KIF7: variants seen among roughly 807,000 people sequenced by gnomAD.
KIF7 encodes kinesin family member 7.
A neutral mutation model predicts 135.7 loss-of-function variants in KIF7; 104 were observed. The observed-to-expected ratio is 0.77, with a 90% confidence interval of 0.65 to 0.90. The LOEUF (loss-of-function observed/expected upper bound fraction) is 0.90, where lower values mean the gene tolerates loss of function less well. Ranked by LOEUF, KIF7 falls within the 40% of genes least tolerant of loss-of-function variation. The pLI, the probability that KIF7 is intolerant of heterozygous loss-of-function variation, is 0.00. For missense variants in KIF7, 2,005 were observed against 1,839.1 expected (o/e 1.09, Z -1.65); for synonymous variants, 883 against 809.4 (o/e 1.09, Z -1.54).
chr15:89,633,009 A>AGGGC lies in KIF7; in HGVS notation c.2719-14_2719-13insGCCC. On this transcript the variant is annotated splice_polypyrimidine_tract_variant and intron_variant, in intron 13 of 18. Transcript: ENST00000394412. The stretch of plus-strand genomic sequence containing the variant: ...GCTCCTCAATCTTCTAAGGAAAAGT[A>AGGGC]GGGAGGGAGGGAGGGAACTCAGGGC... 1 of 633,824 alleles carries AGGGC rather than the reference A, an allele frequency of 1.6e-6. No individual in the cohort carries two copies. Among genetic ancestry groups the AGGGC allele is most frequent in the Non-Finnish European group, 2.5e-6 (1 of 397,646 alleles). The allele number at this position is 633,824 out of a possible 1,614,324, so 39.3% of individuals were successfully genotyped here.
At chr15:89,631,248 G>C (rs1289311096) in intron 15 of KIF7, among the ~76,000 whole-genome samples, 1 of 152,232 alleles carries the variant, frequency 6.6e-6, no homozygotes, top group Non-Finnish European at 1.5e-5. Flanking sequence ...CAGGAGTCCA[G>C]GCTCCAGCCA....
Position 89,648,726 on chromosome 15 carries a change from G to T in KIF7, c.972C>A (p.Ala324=), listed in dbSNP as rs1964067047. Residue 324 remains alanine, a synonymous_variant, in exon 5 of 19, where the codon GCC becomes GCA. Transcript: ENST00000394412. The part of the protein sequence containing the change: ...LGGNAKTVMI[A]CVSPSSSDFD... Reference sequence around the variant, plus strand: ...AGTCGGAGGAGGAAGGGCTGACGCAGGCGATCATCACCGTCTTGGCGTTCC... The same window carrying T: ...AGTCGGAGGAGGAAGGGCTGACGCATGCGATCATCACCGTCTTGGCGTTCC... The T allele has an allele frequency of 6.5e-7, 1 of 1,536,308 alleles. No homozygotes were observed. The highest frequency in any genetic ancestry group is 8.7e-7 in the Non-Finnish European group (1 of 1,146,488).
intron 6 of KIF7, among the ~76,000 whole-genome samples, 170 bp downstream of exon 6, chr15:89,647,426 C>A (rs900575550): frequency 6.6e-6 from 1 of 152,156 alleles, no homozygotes; most frequent in Non-Finnish European, 1.5e-5. Flanking sequence ...CACCCACCTG[C>A]GCTGTTGTGA....
upstream of KIF7, among the ~76,000 whole-genome samples, chr15:89,658,314 G>C (rs112983410): frequency 0.014 from 2,073 of 151,886 alleles, 51 homozygotes; most frequent in African/African-American, 0.048. Context: ...GCTGGGCCTG[G>C]TGGTGTGCAC....
intron 14 of KIF7, among the ~76,000 whole-genome samples, chr15:89,632,613 G>C (rs190294448): frequency 2.3e-3 from 357 of 152,312 alleles, no homozygotes; most frequent in African/African-American, 7.9e-3. Flanking sequence ...TTACCTGGCA[G>C]AGATACCACC....
intron 15 of KIF7, 96 bp downstream of exon 15, chr15:89,631,399 C>G (rs371400085): frequency 1.7e-6 from 2 of 1,167,478 alleles, no homozygotes; most frequent in Admixed American, 4.4e-5. Flanking sequence ...GACAGCAAGG[C>G]CCAGCACCCG....
intron 1 of KIF7, among the ~76,000 whole-genome samples, chr15:89,654,189 TTC>T (rs1228879105): frequency 6.6e-6 from 1 of 152,070 alleles, no homozygotes; most frequent in African/African-American, 2.4e-5. Flanking sequence ...TTTTGTATTT[TTC>T]ATAGAGACAG....
chr15:89,649,586 T>G (rs1964090069), intron 3 of KIF7, among the ~76,000 whole-genome samples, 155 bp downstream of exon 3: 1 of 152,206 alleles, frequency 6.6e-6, no homozygotes, highest in Admixed American at 6.5e-5. Context: ...AAGCATGTAC[T>G]GAACTCAGTG....
downstream of KIF7, chr15:89,625,827 T>G: frequency 6.4e-7 from 1 of 1,562,844 alleles, no homozygotes; most frequent in Non-Finnish European, 8.7e-7. Context: ...ATGGTTTCTT[T>G]TGGTCAGAGT....
chr15:89,646,164 T>G lies in KIF7; in HGVS notation c.1789-138A>C. The G allele has an allele frequency of 2.7e-6, 3 of 1,121,416 alleles. No individual in the cohort carries two copies. The South Asian group carries it at 3.9e-5, about 14-fold the overall frequency. The allele number at this position is 1,121,416 out of a possible 1,614,324, so 69.5% of individuals were successfully genotyped here. On this transcript the variant is annotated intron_variant, in intron 7 of 18. Transcript: ENST00000394412. ...AGCTCAAATGACCCCTCTGGCAGCC[T>G]TCTGAATCTCAAGCTGGGGTGAGAG...
chr15:89,625,288 T>C (rs760555089), downstream of KIF7: 20 of 1,614,030 alleles, frequency 1.2e-5, no homozygotes, highest in South Asian at 2.1e-4. Context: ...CCCCTCTCCA[T>C]TTCAAACAGA....
chr15:89,643,562 T>C (rs754439520), intron 10 of KIF7, among the ~76,000 whole-genome samples: 17 of 152,202 alleles, frequency 1.1e-4, no homozygotes, highest in Non-Finnish European at 2.5e-4. Flanking sequence ...ACACTGCTGA[T>C]AATGGAGAGA....
At chr15:89,626,881 C>T, downstream of KIF7, 5 of 1,535,984 alleles carry the variant, frequency 3.3e-6, no homozygotes, top group Non-Finnish European at 4.4e-6. Context: ...GTGTAACCCT[C>T]TGCAATTTAA....
chr15:89,628,625 T>G lies in KIF7; in HGVS notation c.3826A>C (p.Thr1276Pro). ...RDLVHAPLPL[T>P]WKRSSLCGEE... ...CCACACAGGCTCGAGCGTTTCCAGGTCAAGGGTAACGGAGCGTGGACCAAG... is the reference window on the plus strand; with the variant it reads ...CCACACAGGCTCGAGCGTTTCCAGGGCAAGGGTAACGGAGCGTGGACCAAG... Residue 1276 changes from threonine (T) to proline (P), a missense_variant, in exon 19 of 19, where the codon ACC (threonine) becomes CCC (proline). Physicochemically the swap from Thr to Pro is conservative, Grantham distance 38. Coordinates refer to ENST00000394412, the MANE Select transcript of KIF7 (RefSeq NM_198525.3). 2 of 1,613,176 alleles carry G rather than the reference T, an allele frequency of 1.2e-6. No individual in the cohort carries two copies. Among genetic ancestry groups the G allele is most frequent in the Non-Finnish European group, 1.7e-6 (2 of 1,179,952 alleles).
At chr15:89,623,592 C>A, downstream of KIF7, 1 of 1,569,612 alleles carries the variant, frequency 6.4e-7, no homozygotes, top group South Asian at 1.2e-5. Flanking sequence ...TTATAATATT[C>A]AAGGACTGAA....
At chr15:89,654,290 T>G (rs1253750890) in intron 1 of KIF7, among the ~76,000 whole-genome samples, 1 of 129,670 alleles carries the variant, frequency 7.7e-6, no homozygotes, top group Admixed American at 8.0e-5. Context: ...ATTCCAGGCG[T>G]AAGTCACCGT....
rs148311253 is a variant in KIF7 at position 89,632,844 on chromosome 15, C to T, written c.2871G>A (p.Glu957=). 1.1e-4 allele frequency: 170 copies of T among 1,607,962 alleles called. No homozygotes were observed. In the South Asian group the frequency reaches 1.1e-3, roughly 11 times the overall value. Reference sequence around the variant, plus strand: ...CCTGGCTGGATCTCAGGCGCTTGCTCTCCAGCCCCGTCTTCTCCTGCATCA... The same window carrying T: ...CCTGGCTGGATCTCAGGCGCTTGCTTTCCAGCCCCGTCTTCTCCTGCATCA... ...EALMQEKTGL[E]SKRLRSSQAL... The change falls in exon 14 of 19, where the codon GAG becomes GAA. Residue 957 remains glutamate, a synonymous_variant. Coordinates refer to ENST00000394412, the MANE Select transcript of KIF7 (RefSeq NM_198525.3).
At chr15:89,639,989 G>T (rs901682767) in intron 11 of KIF7, among the ~76,000 whole-genome samples, 2 of 152,216 alleles carry the variant, frequency 1.3e-5, no homozygotes, top group African/African-American at 4.8e-5. Flanking sequence ...CATGTCCTTT[G>T]TAGGGACATG....
chr15:89,618,739 T>C lies in KIF7; in HGVS notation c.181-544A>G, dbSNP rs556188216. Among the ~76,000 whole-genome samples, 32 of 152,302 alleles carry C rather than the reference T, an allele frequency of 2.1e-4. No individual in the cohort carries two copies. In the South Asian group the frequency reaches 6.6e-3, roughly 32 times the overall value. ...ACTTTGGGAAGCCAAGTGGGGAGGA[T>C]CACTGGCCAGGAGTTTGACACCATC... is the stretch of plus-strand genomic sequence containing the variant. On this transcript the variant is annotated intron_variant and NMD_transcript_variant, in intron 1 of 2. Transcript: ENST00000558928.
Sources: allele counts gnomAD v4.1 joint callset (sites outside exome capture counted in the v4.1 genomes callset), GRCh38; gene constraint gnomAD v4.1.1; transcripts MANE v1.5; gene names NCBI Gene and HGNC (gene_info 2026-07-23, HGNC 2026-07-21).